MORN2: variants seen among roughly 807,000 people sequenced by gnomAD.
MORN2 encodes the protein MORN repeat containing 2.
Under a neutral mutation model 13.4 loss-of-function variants are expected in MORN2, and 15 were observed. The observed-to-expected ratio is 1.12, with a 90% CI of 0.75 to 1.72. The LOEUF is 1.72. MORN2 is among the 40% of genes most tolerant of loss of function. MORN2 has a pLI of 0.00. For missense variants in MORN2, 168 were observed against 134.6 expected (o/e 1.25, Z -1.23); for synonymous variants, 46 against 43.6 (o/e 1.06, Z -0.22).
Position 38,878,984 on chromosome 2 carries a change from T to C in MORN2, c.59-1195T>C, listed in dbSNP as rs114382909. 2.1e-3 allele frequency among the ~76,000 whole-genome samples: 315 copies of C among 152,260 alleles called. 1 individual carries two copies. The highest frequency in any genetic ancestry group is 7.1e-3 in the African/African-American group (295 of 41,540). On this transcript the variant is annotated intron_variant, in intron 1 of 4. Transcript: ENST00000644631. ...GGCCTGCATACCGTCTCTACATAAG[T>C]TTTCTTCAGTATCGGAAAATACAGT...
rs1019463285 is a variant in MORN2 at position 38,880,240 on chromosome 2, G to A, written c.109+11G>A. 10 of 399,096 alleles carry A rather than the reference G, an allele frequency of 2.5e-5. No individual in the cohort carries two copies. The highest frequency in any genetic ancestry group is 4.0e-5 in the Non-Finnish European group (9 of 226,288). The allele number at this position is 399,096 out of a possible 1,614,324, so 24.7% of individuals were successfully genotyped here. On this transcript the variant is annotated intron_variant, in intron 2 of 4. Transcript: ENST00000644631. ...ATGGAGACAAGTATGGTAAGTATAC[G>A]CTTCAATTACTTTTTCTGTATAGAA...
chr2:38,878,746 A>G (rs1276833140), intron 1 of MORN2, among the ~76,000 whole-genome samples: 1 of 152,176 alleles, frequency 6.6e-6, no homozygotes, highest in Non-Finnish European at 1.5e-5. Flanking sequence ...TTTCAAGGAT[A>G]CTAATACTCT....
intron 1 of MORN2, among the ~76,000 whole-genome samples, chr2:38,877,481 G>A (rs575012559): frequency 3.9e-5 from 6 of 152,048 alleles, no homozygotes; most frequent in African/African-American, 1.2e-4. Context: ...GAAAAAATAA[G>A]CAAACATAAC....
chr2:38,881,651 T>C, intron 4 of MORN2, 73 bp downstream of exon 4: 2 of 1,009,374 alleles, frequency 2.0e-6, no homozygotes, highest in Non-Finnish European at 2.7e-6. Flanking sequence ...TAAATACTTA[T>C]TTATTTATTT....
In MORN2 at chr2:38,880,673, G is replaced by A. The variant is rs759023189; in HGVS notation, c.183G>A (p.Gly61=). 3 of 1,550,078 alleles carry A rather than the reference G, an allele frequency of 1.9e-6. No individual in the cohort carries two copies. Among genetic ancestry groups the A allele is most frequent in the South Asian group, 2.4e-5 (2 of 83,928 alleles). The change falls in exon 3 of 5, where the codon GGG becomes GGA. Residue 61 remains glycine, a synonymous_variant. Transcript: ENST00000644631. ...TAGGTATTCATACCACTCCTAATGG[G>A]ATTGTCTACACAGGAAGCTGGAAAG...
At chr2:38,881,717 CT>C in intron 4 of MORN2, 139 bp downstream of exon 4, 1 of 660,158 alleles carries the variant, frequency 1.5e-6, no homozygotes, top group Non-Finnish European at 2.3e-6. Context: ...GTGGAGTGAT[CT>C]CGGCTCACTG....
intron 1 of MORN2, among the ~76,000 whole-genome samples, chr2:38,877,286 A>T (rs28431792): frequency 1.6e-3 from 152 of 93,672 alleles, no homozygotes; most frequent in African/African-American, 2.7e-3. Context: ...AAATAAATAA[A>T]TAAATTAAAT....
intron 1 of MORN2, among the ~76,000 whole-genome samples, chr2:38,876,760 C>T (rs1236213094): frequency 6.6e-6 from 1 of 152,134 alleles, no homozygotes; most frequent in Non-Finnish European, 1.5e-5. Flanking sequence ...AGAGCTCATA[C>T]CTGAGCTGGG....
chr2:38,879,386 C>G (rs916400019), intron 1 of MORN2, among the ~76,000 whole-genome samples: 1 of 152,080 alleles, frequency 6.6e-6, no homozygotes, highest in African/African-American at 2.4e-5. Flanking sequence ...ACCTACATGT[C>G]CATGAACTGA....
At chr2:38,876,180 A>G (rs1195160578) in intron 1 of MORN2, 70 bp downstream of exon 1, 2 of 398,554 alleles carry the variant, frequency 5.0e-6, no homozygotes, top group African/African-American at 4.1e-5. Flanking sequence ...GTGGAGTCAG[A>G]ACCTGCTTGG....
At chr2:38,880,969 A>C (rs989977159) in intron 3 of MORN2, among the ~76,000 whole-genome samples, 8 of 152,220 alleles carry the variant, frequency 5.3e-5, no homozygotes, top group Non-Finnish European at 1.2e-4. Context: ...TCCTCATAAT[A>C]ACCTCATGAG....
intron 3 of MORN2, 108 bp from the exon 4 acceptor site, chr2:38,881,334 T>G: frequency 1.1e-6 from 1 of 922,782 alleles, no homozygotes; most frequent in Non-Finnish European, 1.6e-6. Context: ...CAATACAAAG[T>G]TGGTTAAGTA....
At position 38,881,361 on chromosome 2, in the gene MORN2, A is replaced by C. The variant is rs1377756064; in HGVS notation, c.217-81A>C. 5 of 1,263,828 alleles carry C rather than the reference A, an allele frequency of 4.0e-6. No individual in the cohort carries two copies. The East Asian group carries it at 1.4e-4, about 35-fold the overall frequency. The allele number at this position is 1,263,828 out of a possible 1,614,324, so 78.3% of individuals were successfully genotyped here. ...GGTTAAGTAATAATTAGCAGATGAT[A>C]GACTTATATTTGTACATTTTTTAAA... On this transcript the variant is annotated intron_variant, in intron 3 of 4. Transcript: ENST00000644631.
chr2:38,878,081 C>A (rs1472792927), intron 1 of MORN2, among the ~76,000 whole-genome samples: 1 of 152,196 alleles, frequency 6.6e-6, no homozygotes, highest in African/African-American at 2.4e-5. Context: ...CAGGCATGAG[C>A]CAGTAATTCA....
intron 1 of MORN2, among the ~76,000 whole-genome samples, chr2:38,876,757 A>G (rs1304514025): frequency 6.6e-6 from 1 of 152,240 alleles, no homozygotes; most frequent in East Asian, 1.9e-4. Context: ...GGGAGAGCTC[A>G]TACCTGAGCT....
rs530450575 is a variant in MORN2 at position 38,880,190 on chromosome 2, T to C, written c.70T>C (p.Tyr24His). ...ATCTTTTAAAACAGCTTCAGAAGTGTATAAGATCAGCTTTATCTTTCCAAA... is the reference window on the plus strand; with the variant it reads ...ATCTTTTAAAACAGCTTCAGAAGTGCATAAGATCAGCTTTATCTTTCCAAA... The change falls in exon 2 of 5, where the codon TAT becomes CAT. Residue 24 changes from tyrosine to histidine, a missense_variant. Physicochemically the swap from Tyr to His is moderately conservative, Grantham distance 83. Coordinates refer to ENST00000644631, the MANE Select transcript of MORN2 (RefSeq NM_001145450.3). 1.0e-5 allele frequency: 4 copies of C among 399,076 alleles called. No homozygotes were observed. Among genetic ancestry groups the C allele is most frequent in the African/African-American group, 8.2e-5 (4 of 48,774 alleles). The allele number at this position is 399,076 out of a possible 1,614,324, so 24.7% of individuals were successfully genotyped here.
chr2:38,879,909 A>G (rs1444819992), intron 1 of MORN2, among the ~76,000 whole-genome samples: 1 of 152,238 alleles, frequency 6.6e-6, no homozygotes, highest in Non-Finnish European at 1.5e-5. Flanking sequence ...CAATGGAAAT[A>G]CCAAGTAATC....
intron 1 of MORN2, among the ~76,000 whole-genome samples, chr2:38,878,889 A>G (rs1241551136): frequency 5.3e-5 from 8 of 152,178 alleles, no homozygotes; most frequent in African/African-American, 1.7e-4. Context: ...CCCCACCCGT[A>G]AAGACTGATT....
chr2:38,879,123 G>A (rs1284387871), intron 1 of MORN2, among the ~76,000 whole-genome samples: 1 of 151,988 alleles, frequency 6.6e-6, no homozygotes, highest in African/African-American at 2.4e-5. Context: ...CATTCTGTGT[G>A]GACCTACCAG....
Sources: allele counts gnomAD v4.1 joint callset (sites outside exome capture counted in the v4.1 genomes callset), GRCh38; gene constraint gnomAD v4.1.1; transcripts MANE v1.5; gene names NCBI Gene and HGNC (gene_info 2026-07-23, HGNC 2026-07-21).